Variants in IARS1 observed in about 807,000 individuals in gnomAD.
IARS1 encodes isoleucyl-tRNA synthetase 1, also known as isoleucine--tRNA ligase, cytoplasmic.
A neutral mutation model predicts 168.2 loss-of-function variants in IARS1; 124 were observed. The ratio of observed to expected loss-of-function variants is 0.74; its 90% CI spans 0.64 to 0.86. The LOEUF (loss-of-function observed/expected upper bound fraction) is 0.86, where lower values mean the gene tolerates loss of function less well. Ranked by LOEUF, IARS1 falls within the 40% of genes least tolerant of loss-of-function variation. The pLI is 0.00. For synonymous variants in IARS1, 532 were observed against 529.4 expected (o/e 1.00, Z -0.07); for missense variants, 1,452 against 1,515.8 (o/e 0.96, Z 0.70).
chr9:92,280,916 A>G (rs1264541443), intron 6 of IARS1, 23 bp from the exon 7 acceptor site: 4 of 1,573,310 alleles, frequency 2.5e-6, no homozygotes, highest in Non-Finnish European at 3.5e-6. Flanking sequence ...GAGGTAAAGT[A>G]TTGTTTTAGA....
rs746415143 is a variant in IARS1 at position 92,274,454 on chromosome 9, A to G, written c.962T>C (p.Val321Ala). 1.2e-6 allele frequency: 2 copies of G among 1,613,920 alleles called. No homozygotes were observed. Among genetic ancestry groups the G allele is most frequent in the Admixed American group, 3.3e-5 (2 of 60,010 alleles). ...NYVKEEEGTG[V>A]VHQAPYFGAE... Reference sequence around the variant, plus strand: ...ACCGAAGTAAGGAGCTTGGTGGACAACCCCTGTGCCTTCTTCTTCCTTCAC... The same window carrying G: ...ACCGAAGTAAGGAGCTTGGTGGACAGCCCCTGTGCCTTCTTCTTCCTTCAC... Residue 321 changes from valine (V) to alanine (A), a missense_variant, in exon 10 of 34, where the codon GTT (valine) becomes GCT (alanine). Coordinates refer to ENST00000443024, the MANE Select transcript of IARS1 (RefSeq NM_002161.6).
intron 22 of IARS1, 102 bp downstream of exon 22, chr9:92,251,706 C>A: frequency 1.3e-6 from 1 of 763,706 alleles, no homozygotes. Flanking sequence ...CTATTTTTGG[C>A]AGAATAATAC....
intron 28 of IARS1, 183 bp downstream of exon 28, chr9:92,243,033 T>A: frequency 5.9e-6 from 3 of 504,922 alleles, no homozygotes; most frequent in East Asian, 3.6e-5. Flanking sequence ...GACTTGGGAG[T>A]GAACACGTGG....
chr9:92,272,930 T>C (rs1419212206), intron 10 of IARS1, among the ~76,000 whole-genome samples: 2 of 151,528 alleles, frequency 1.3e-5, no homozygotes, highest in Non-Finnish European at 2.9e-5. Flanking sequence ...AGAATGAATC[T>C]TCTATAACAT....
chr9:92,255,092 C>G lies in IARS1; in HGVS notation c.2137+1588G>C, dbSNP rs1004220615. 3.9e-5 allele frequency among the ~76,000 whole-genome samples: 6 copies of G among 152,230 alleles called. No homozygotes were observed. In the East Asian group the frequency reaches 9.7e-4, roughly 25 times the overall value. ...GGAGTGTGCTGGGCTCCCAGTGCTG[C>G]CCTCGCCAGGGCAGCACTCAGCCTC... is the stretch of plus-strand genomic sequence containing the variant. On this transcript the variant is annotated intron_variant, in intron 20 of 33. Transcript: ENST00000443024.
At chr9:92,216,328 G>A (rs1387360082) in intron 33 of IARS1, among the ~76,000 whole-genome samples, 1 of 151,232 alleles carries the variant, frequency 6.6e-6, no homozygotes, top group African/African-American at 2.4e-5. Flanking sequence ...ATGCCAAAAT[G>A]TAAAGACCAT....
At chr9:92,250,540 G>C (rs1422003780) in intron 23 of IARS1, among the ~76,000 whole-genome samples, 173 bp downstream of exon 23, 1 of 152,166 alleles carries the variant, frequency 6.6e-6, no homozygotes, top group African/African-American at 2.4e-5. Flanking sequence ...AAGCATCCTT[G>C]CTACCGTGTA....
At position 92,258,872 on chromosome 9, in the gene IARS1, G is replaced by A. The variant is rs748695889; in HGVS notation, c.1998C>T (p.Asn666=). 5.0e-6 allele frequency: 8 copies of A among 1,611,906 alleles called. No individual in the cohort carries two copies. In the Admixed American group the frequency reaches 6.7e-5, roughly 14 times the overall value. ...WYNAYRFLIQ[N]VLRLQKEEEI... The stretch of plus-strand genomic sequence containing the variant: ...CCCATACCTTCTGGAGCCTCAGAAC[G>A]TTCTGGATTAAGAAGCGATAGGCAT... The change falls in exon 19 of 34, where the codon AAC becomes AAT. Residue 666 remains asparagine (N), a synonymous_variant. Transcript: ENST00000443024.
intron 3 of IARS1, 45 bp downstream of exon 3, chr9:92,288,081 T>C (rs1451571666): frequency 6.3e-7 from 1 of 1,581,238 alleles, no homozygotes; most frequent in Non-Finnish European, 8.6e-7. Context: ...ATCTAATGCT[T>C]ATAAAAAAAA....
Position 92,222,656 on chromosome 9 carries a change from T to C in IARS1, c.3570A>G (p.Thr1190=). The change falls in exon 33 of 34, where the codon ACA becomes ACG. Residue 1190 remains threonine, a synonymous_variant. Transcript: ENST00000443024. ...GGTTTTCAAGCAGGAGAGTGCCCACTGTCCCCATTAAACACTCTGTGGAAG... is the reference window on the plus strand; with the variant it reads ...GGTTTTCAAGCAGGAGAGTGCCCACCGTCCCCATTAAACACTCTGTGGAAG... ...NAKPQECLMG[T]VGTLLLENPL... The C allele has an allele frequency of 6.2e-7, 1 of 1,614,072 alleles. No homozygotes were observed.
At chr9:92,260,051 AC>A in intron 18 of IARS1, 99 bp downstream of exon 18, 1 of 797,294 alleles carries the variant, frequency 1.3e-6, no homozygotes, top group Non-Finnish European at 2.1e-6. Flanking sequence ...GTTGCTAAAA[AC>A]CTAACTATAA....
rs1460159254 is a variant in IARS1 at position 92,265,423 on chromosome 9, C to T, written c.1505+57G>A. On this transcript the variant is annotated intron_variant, in intron 15 of 33. Transcript: ENST00000443024. ...GTGTGGCTCTGTAATCTGCTAGAGA[C>T]CAGGTCTTAATAGGAGAATCGTAAA... 2.8e-6 allele frequency: 4 copies of T among 1,449,362 alleles called. No homozygotes were observed. In the Admixed American group the frequency reaches 5.0e-5, roughly 18 times the overall value. The allele number at this position is 1,449,362 out of a possible 1,614,324, so 89.8% of individuals were successfully genotyped here.
intron 31 of IARS1, among the ~76,000 whole-genome samples, chr9:92,226,764 G>A (rs541945448): frequency 3.3e-4 from 50 of 151,246 alleles, no homozygotes; most frequent in African/African-American, 1.2e-3. Flanking sequence ...GTCACCACAT[G>A]GCATTTTCTC....
rs868548496 is a variant in IARS1 at position 92,239,031 on chromosome 9, C to T, written c.3283+1825G>A. The stretch of plus-strand genomic sequence containing the variant: ...CAAGAACTCACTGATGATGTTGAGG[C>T]CTTAGTGTATATACACAGAGAACCA... On this transcript the variant is annotated intron_variant, in intron 30 of 33. Transcript: ENST00000443024. Among the ~76,000 whole-genome samples, 10 of 152,290 alleles carry T rather than the reference C, an allele frequency of 6.6e-5. No individual in the cohort carries two copies. The South Asian group carries it at 1.0e-3, about 16-fold the overall frequency.
intron 13 of IARS1, among the ~76,000 whole-genome samples, chr9:92,269,151 G>A (rs988563209): frequency 1.3e-5 from 2 of 152,056 alleles, no homozygotes; most frequent in Non-Finnish European, 2.9e-5. Context: ...GAGAAATCAG[G>A]ACCACTCTGC....
chr9:92,271,794 T>G, intron 10 of IARS1, 139 bp from the exon 11 acceptor site: 1 of 911,098 alleles, frequency 1.1e-6, no homozygotes, highest in South Asian at 1.6e-5. Context: ...TGAAGGTAAC[T>G]CAAGACCATT....
chr9:92,272,872 A>C (rs955851529), intron 10 of IARS1, among the ~76,000 whole-genome samples: 62 of 122,748 alleles, frequency 5.1e-4, no homozygotes, highest in African/African-American at 1.5e-3. Flanking sequence ...AACAAAAAAA[A>C]AAAAAAAAAA....
rs569119560 is a variant in IARS1 at position 92,256,782 on chromosome 9, G to C, written c.2035C>G (p.Leu679Val). The change falls in exon 20 of 34, where the codon CTC becomes GTC. Residue 679 changes from leucine to valine, a missense_variant. Coordinates refer to ENST00000443024, the MANE Select transcript of IARS1 (RefSeq NM_002161.6). ...TCTCTAACCGTGTTCTCATTGTAGAGAAATTCTATTTCTTCCTCCTAGGAA... is the reference window on the plus strand; with the variant it reads ...TCTCTAACCGTGTTCTCATTGTAGACAAATTCTATTTCTTCCTCCTAGGAA... Reference protein sequence around the residue: ...RLQKEEEIEFLYNENTVRESP... With the variant: ...RLQKEEEIEFVYNENTVRESP... 3 of 1,613,136 alleles carry C rather than the reference G, an allele frequency of 1.9e-6. No homozygotes were observed. Among genetic ancestry groups the C allele is most frequent in the Non-Finnish European group, 2.5e-6 (3 of 1,179,348 alleles).
intron 9 of IARS1, among the ~76,000 whole-genome samples, chr9:92,274,872 A>G (rs1053076110): frequency 6.6e-6 from 1 of 152,050 alleles, no homozygotes; most frequent in African/African-American, 2.4e-5. Flanking sequence ...TAAATTGTTC[A>G]CTTCCTGGTA....
Sources: allele counts gnomAD v4.1 joint callset (sites outside exome capture counted in the v4.1 genomes callset), GRCh38; gene constraint gnomAD v4.1.1; transcripts MANE v1.5; gene names NCBI Gene and HGNC (gene_info 2026-07-23, HGNC 2026-07-21).